Variants in GLRA2 observed in about 807,000 individuals in gnomAD.
The protein encoded by GLRA2 is glycine receptor subunit alpha-2.
In GLRA2, 11 loss-of-function variants were observed where a neutral mutation model predicts 31.6. The observed-to-expected ratio is 0.35, with a 90% CI of 0.22 to 0.58. The LOEUF is 0.58. Ranked by LOEUF, GLRA2 falls within the 20% of genes least tolerant of loss-of-function variation. GLRA2 has a pLI of 0.84. For synonymous variants in GLRA2, 132 were observed against 134.0 expected (o/e 0.99, Z 0.10); for missense variants, 212 against 351.8 (o/e 0.60, Z 3.18).
At chrX:14,551,122 G>A (rs2089556368) in intron 2 of GLRA2, among the ~76,000 whole-genome samples, 1 of 111,699 alleles carries the variant, frequency 9.0e-6, no homozygotes, top group African/African-American at 3.3e-5. Context: ...AATTGTATTT[G>A]GTTGCTTATG....
Position 14,730,976 on chromosome X carries a change from A to G in GLRA2, c.*491A>G, listed in dbSNP as rs963390347. On this transcript the variant is annotated 3_prime_UTR_variant, in exon 9 of 9. Transcript: ENST00000218075. ...AACTTCAAAAATGCTTAACCATCTG[A>G]CCATAGTGACTAGCCTATAGTGAGT... The G allele has an allele frequency of 8.7e-6, 1 of 114,803 alleles. No individual in the cohort carries two copies. Among genetic ancestry groups the G allele is most frequent in the African/African-American group, 3.4e-5 (1 of 29,542 alleles). 9.5% of individuals were successfully genotyped at this position (114,803 alleles called of 1,213,427 possible).
the GLRA2 span, among the ~76,000 whole-genome samples, chrX:14,498,148 C>A: frequency 9.2e-6 from 1 of 108,255 alleles, no homozygotes; most frequent in Admixed American, 9.8e-5. Flanking sequence ...AAAAAAAAAA[C>A]CAACAGGCTC....
intron 7 of GLRA2, among the ~76,000 whole-genome samples, chrX:14,681,935 A>ATATGTATG (rs2091215408): frequency 2.6e-5 from 2 of 77,426 alleles, no homozygotes; most frequent in Non-Finnish European, 5.3e-5. Context: ...ATATATGTAT[A>ATATGTATG]TATATGTGTG....
At chrX:14,552,968 TATC>T (rs1316924147) in intron 2 of GLRA2, among the ~76,000 whole-genome samples, 1 of 112,191 alleles carries the variant, frequency 8.9e-6, no homozygotes, top group African/African-American at 3.2e-5. Context: ...CACTGTCTAT[TATC>T]ATGAGCACAC....
chrX:14,595,703 G>T (rs1359873716), intron 4 of GLRA2, among the ~76,000 whole-genome samples: 1 of 111,288 alleles, frequency 9.0e-6, no homozygotes, highest in Non-Finnish European at 1.9e-5. Context: ...TAGATAACCT[G>T]CTCTACCCGA....
chrX:14,693,833 C>T (rs1202059904), intron 8 of GLRA2, among the ~76,000 whole-genome samples: 1 of 111,624 alleles, frequency 9.0e-6, no homozygotes, highest in African/African-American at 3.2e-5. Flanking sequence ...TGAAATAATT[C>T]AGGAATCAAA....
intron 8 of GLRA2, among the ~76,000 whole-genome samples, chrX:14,724,987 G>A (rs184180594): frequency 7.2e-5 from 8 of 111,595 alleles, no homozygotes; most frequent in East Asian, 2.8e-4. Context: ...GGGCAAAAAC[G>A]TACACAAATC....
At chrX:14,588,343 T>G (rs73199667) in intron 4 of GLRA2, among the ~76,000 whole-genome samples, 25,298 of 111,336 alleles carry the variant, frequency 0.23, 2,747 homozygotes, top group Non-Finnish European at 0.34. Flanking sequence ...CACCATTTTT[T>G]GGGAAAAGGA....
intron 7 of GLRA2, among the ~76,000 whole-genome samples, chrX:14,685,522 A>G (rs756897052): frequency 1.8e-5 from 2 of 111,718 alleles, no homozygotes; most frequent in East Asian, 2.8e-4. Flanking sequence ...CAGGGATTCA[A>G]CTTCTTCCTG....
At chrX:14,603,124 G>A (rs1316773526) in intron 4 of GLRA2, among the ~76,000 whole-genome samples, 1 of 107,645 alleles carries the variant, frequency 9.3e-6, no homozygotes, top group Non-Finnish European at 1.9e-5. Flanking sequence ...CATTATTGCA[G>A]GAGTAAGGTG....
At chrX:14,513,597 G>A in the GLRA2 span, among the ~76,000 whole-genome samples, 19 of 111,290 alleles carry the variant, frequency 1.7e-4, no homozygotes, top group East Asian at 5.4e-3. Flanking sequence ...ATCAAAAAGT[G>A]GGCTAAGAAC....
the GLRA2 span, among the ~76,000 whole-genome samples, chrX:14,450,988 A>G: frequency 5.2e-3 from 575 of 111,619 alleles, 8 homozygotes; most frequent in African/African-American, 0.017. Flanking sequence ...GTGTGAGCCA[A>G]CATGCCCAGT....
the GLRA2 span, among the ~76,000 whole-genome samples, chrX:14,454,488 T>G: frequency 1.8e-5 from 2 of 110,796 alleles, no homozygotes. Context: ...TGTACAACCT[T>G]TCAGTAAATT....
rs182510052 is a variant in GLRA2 at position 14,619,734 on chromosome X, T to C, written c.930+10529T>C. Among the ~76,000 whole-genome samples the C allele has an allele frequency of 8.3e-4, 92 of 111,373 alleles. 1 individual carries two copies. Among genetic ancestry groups the C allele is most frequent in the African/African-American group, 3.0e-3 (91 of 30,724 alleles). On this transcript the variant is annotated intron_variant, in intron 7 of 8. Coordinates refer to ENST00000218075, the MANE Select transcript of GLRA2 (RefSeq NM_002063.4). The stretch of plus-strand genomic sequence containing the variant: ...TTATTACCTTATAGCAACACTATCA[T>C]TTATATCAAACTCTATTATGGATTA...
At chrX:14,613,867 T>C (rs187893514) in intron 7 of GLRA2, among the ~76,000 whole-genome samples, 80 of 111,695 alleles carry the variant, frequency 7.2e-4, no homozygotes, top group Non-Finnish European at 1.3e-3. Context: ...GAGGATTCTA[T>C]AGATTCTCAG....
At chrX:14,668,524 G>A (rs780280810) in intron 7 of GLRA2, among the ~76,000 whole-genome samples, 29 of 112,067 alleles carry the variant, frequency 2.6e-4, no homozygotes, top group African/African-American at 7.8e-4. Flanking sequence ...TGCTGACAAA[G>A]ACATACTGAA....
intron 2 of GLRA2, among the ~76,000 whole-genome samples, chrX:14,551,172 C>A (rs775807315): frequency 9.0e-6 from 1 of 111,425 alleles, no homozygotes; most frequent in Non-Finnish European, 1.9e-5. Context: ...GCTTTTGATT[C>A]CAGGCAGTCT....
intron 8 of GLRA2, among the ~76,000 whole-genome samples, chrX:14,719,784 C>G (rs1017236625): frequency 8.9e-6 from 1 of 111,847 alleles, no homozygotes; most frequent in Non-Finnish European, 1.9e-5. Context: ...AAAGACAAGA[C>G]ATAAAATCAA....
At chrX:14,705,643 G>A (rs2091610521) in intron 8 of GLRA2, among the ~76,000 whole-genome samples, 1 of 112,078 alleles carries the variant, frequency 8.9e-6, no homozygotes. Context: ...GTATAACCCA[G>A]TTGACAAAAT....
Sources: allele counts gnomAD v4.1 joint callset (sites outside exome capture counted in the v4.1 genomes callset), GRCh38; gene constraint gnomAD v4.1.1; transcripts MANE v1.5; gene names NCBI Gene and HGNC (gene_info 2026-07-23, HGNC 2026-07-21).